Variants in CCDC102A observed in about 807,000 individuals in gnomAD.
CCDC102A encodes the protein coiled-coil domain containing 102A.
A neutral mutation model predicts 55.5 loss-of-function variants in CCDC102A; 40 were observed. The observed-to-expected ratio is 0.72, with a 90% CI of 0.56 to 0.94. The LOEUF is 0.94. CCDC102A is among the 40% of genes least tolerant of loss of function. The pLI is 0.00. For missense variants in CCDC102A, 779 were observed against 768.6 expected (o/e 1.01, Z -0.16); for synonymous variants, 323 against 339.0 (o/e 0.95, Z 0.52).
At chr16:57,523,214 G>C (rs1256871240) in intron 3 of CCDC102A, among the ~76,000 whole-genome samples, 1 of 151,972 alleles carries the variant, frequency 6.6e-6, no homozygotes, top group African/African-American at 2.4e-5. Context: ...ATTTCAGTTA[G>C]TGCACTAGGT....
chr16:57,522,531 G>A (rs1385025703), intron 3 of CCDC102A, among the ~76,000 whole-genome samples: 6 of 152,208 alleles, frequency 3.9e-5, no homozygotes, highest in African/African-American at 1.4e-4. Context: ...TGGGATTATA[G>A]GCATGAGCCA....
chr16:57,531,881 C>T (rs1196564587), intron 1 of CCDC102A, among the ~76,000 whole-genome samples: 4 of 152,146 alleles, frequency 2.6e-5, no homozygotes, highest in Admixed American at 2.6e-4. Context: ...TGGAGCCAGG[C>T]ATTGGAGGTC....
At chr16:57,536,652 GGGCCCCCGAAGCGGTCGCAGGCTGC>G, upstream of CCDC102A, 1 of 152,262 alleles carries the variant, frequency 6.6e-6, no homozygotes, top group African/African-American at 2.4e-5. Context: ...GGGAGCGGCG[GGGCCCCCGAAGCGGTCGCAGGCTGC>G]GGCCCCGCTG....
chr16:57,523,340 G>T (rs1248442010), intron 3 of CCDC102A, among the ~76,000 whole-genome samples: 1 of 152,182 alleles, frequency 6.6e-6, no homozygotes, highest in Admixed American at 6.5e-5. Flanking sequence ...CTGCGAGAAA[G>T]AATCCGTTCC....
intron 5 of CCDC102A, 84 bp from the exon 6 acceptor site, chr16:57,518,361 G>T: frequency 7.6e-7 from 1 of 1,311,518 alleles, no homozygotes; most frequent in Non-Finnish European, 1.1e-6. Context: ...ACCTCCTGGA[G>T]CCATTTTTGG....
In CCDC102A at chr16:57,521,217, C is replaced by T. The variant is rs372484207; in HGVS notation, c.813-41G>A. On this transcript the variant is annotated intron_variant, in intron 3 of 8. Coordinates refer to ENST00000258214, the MANE Select transcript of CCDC102A (RefSeq NM_033212.4). The stretch of plus-strand genomic sequence containing the variant: ...ACATGGGGGTGAGCCCACCAAGGCC[C>T]TCTGCTTGGAGTCCTCACCAAGGGT... 60 of 1,502,302 alleles carry T rather than the reference C, an allele frequency of 4.0e-5. No homozygotes were observed. In the African/African-American group the frequency reaches 7.3e-4, roughly 18 times the overall value. The allele number at this position is 1,502,302 out of a possible 1,614,324, so 93.1% of individuals were successfully genotyped here. A position where few individuals can be genotyped will look rare whatever the true frequency, so the allele number is the denominator to read the frequency against.
At chr16:57,525,222 A>G (rs1325024018) in intron 3 of CCDC102A, among the ~76,000 whole-genome samples, 16 of 152,064 alleles carry the variant, frequency 1.1e-4, no homozygotes, top group Non-Finnish European at 2.9e-5. Flanking sequence ...CAGCCTCCTG[A>G]GTAGCTGGGA....
At chr16:57,532,698 GACACAC>G (rs10535195) in intron 1 of CCDC102A, among the ~76,000 whole-genome samples, 11,057 of 147,698 alleles carry the variant, frequency 0.075, 635 homozygotes, top group African/African-American at 0.16. Context: ...AAGTGAAGCA[GACACAC>G]ACACACACAC....
At position 57,518,842 on chromosome 16, in the gene CCDC102A, C is replaced by A. The variant is rs915588859; in HGVS notation, c.922-101G>T. The stretch of plus-strand genomic sequence containing the variant: ...AGTGCAGGAGTGCTCAGCGTGGAGC[C>A]AAGGCAGCGCCCAAATGGGGCAGGC... On this transcript the variant is annotated intron_variant, in intron 4 of 8. Coordinates refer to ENST00000258214, the MANE Select transcript of CCDC102A (RefSeq NM_033212.4). 8 of 844,126 alleles carry A rather than the reference C, an allele frequency of 9.5e-6. No individual in the cohort carries two copies. In the Admixed American group the frequency reaches 1.7e-4, roughly 18 times the overall value. The allele number at this position is 844,126 out of a possible 1,614,324, so 52.3% of individuals were successfully genotyped here. A position where few individuals can be genotyped will look rare whatever the true frequency, so the allele number is the denominator to read the frequency against.
Position 57,527,233 on chromosome 16 carries a change from G to A in CCDC102A, c.586-1106C>T, listed in dbSNP as rs563099744. 1.3e-3 allele frequency among the ~76,000 whole-genome samples: 198 copies of A among 152,292 alleles called. 1 individual carries two copies. The highest frequency in any genetic ancestry group is 4.6e-3 in the African/African-American group (193 of 41,560). ...GGGACTGAGCTGGGGACAGAGCTGGGGAACTGAGCTTGGACCCTGCCCCTA... is the reference window on the plus strand; with the variant it reads ...GGGACTGAGCTGGGGACAGAGCTGGAGAACTGAGCTTGGACCCTGCCCCTA... On this transcript the variant is annotated intron_variant, in intron 2 of 8. Transcript: ENST00000258214.
intron 2 of CCDC102A, 87 bp downstream of exon 2, chr16:57,528,506 T>C (rs2032183423): frequency 1.0e-6 from 1 of 973,434 alleles, no homozygotes; most frequent in Non-Finnish European, 1.3e-6. Context: ...AGGCCTTTAC[T>C]AGCTTGTTTC....
At chr16:57,517,970 A>G (rs1434338593) in intron 6 of CCDC102A, 98 bp downstream of exon 6, 9 of 1,347,340 alleles carry the variant, frequency 6.7e-6, no homozygotes, top group Admixed American at 2.2e-5. Context: ...TGCAGCTACC[A>G]TAATTATCAC....
chr16:57,530,020 C>T (rs117902377), intron 1 of CCDC102A, among the ~76,000 whole-genome samples: 2,197 of 152,298 alleles, frequency 0.014, 27 homozygotes, highest in Non-Finnish European at 0.023. Context: ...AAATGATTAC[C>T]TCCATTTATG....
At position 57,516,907 on chromosome 16, in the gene CCDC102A, C is replaced by A. The variant is rs1160709996; in HGVS notation, c.1249-444G>T. On this transcript the variant is annotated intron_variant, in intron 6 of 8. Coordinates refer to ENST00000258214, the MANE Select transcript of CCDC102A (RefSeq NM_033212.4). This position sits in a 1 kb window ranked among gnomAD's most constrained non-coding sequence, Gnocchi z 4.4. ...GGAAGGGCAGCCAGCAAAAGAGATG[C>A]CCACCCTGGAGCTCTGTGAGTTCTC... Among the ~76,000 whole-genome samples, 1 of 152,134 alleles carries A rather than the reference C, an allele frequency of 6.6e-6. No homozygotes were observed. The highest frequency in any genetic ancestry group is 1.5e-5 in the Non-Finnish European group (1 of 68,026).
intron 2 of CCDC102A, among the ~76,000 whole-genome samples, chr16:57,526,341 T>C (rs1164778891): frequency 6.6e-6 from 1 of 152,218 alleles, no homozygotes; most frequent in Non-Finnish European, 1.5e-5. Context: ...TCAGCCACCA[T>C]GGTTCCCTGT....
chr16:57,515,744 G>A (rs1484304630), intron 7 of CCDC102A, among the ~76,000 whole-genome samples: 4 of 151,168 alleles, frequency 2.6e-5, no homozygotes, highest in Non-Finnish European at 5.9e-5. Flanking sequence ...ATTCGTCCAG[G>A]GAGATATTCA....
rs954114789 is a variant in CCDC102A, at chr16:57,529,597, G to A, written c.-147-273C>T. Among the ~76,000 whole-genome samples, 1 of 152,172 alleles carries A rather than the reference G, an allele frequency of 6.6e-6. No individual in the cohort carries two copies. Among genetic ancestry groups the A allele is most frequent in the African/African-American group, 2.4e-5 (1 of 41,432 alleles). On this transcript the variant is annotated intron_variant, in intron 1 of 8. Coordinates refer to ENST00000258214, the MANE Select transcript of CCDC102A (RefSeq NM_033212.4). The surrounding 1 kb of genome is among the most constrained non-coding windows in gnomAD (Gnocchi z 4.1). ...CCCGGTCCCGGCTCACACACTGATG[G>A]CTTATACTATACTACTATGCAACTT... is the stretch of plus-strand genomic sequence containing the variant.
intron 1 of CCDC102A, among the ~76,000 whole-genome samples, chr16:57,530,886 C>A (rs888386620): frequency 6.6e-6 from 1 of 152,008 alleles, no homozygotes; most frequent in Non-Finnish European, 1.5e-5. Context: ...CTGTGCCAGG[C>A]TGGTTTCCAG....
Position 57,518,188 on chromosome 16 carries a change from CTTG to C in CCDC102A, c.1125_1127del (p.Asn375del), listed in dbSNP as rs763881905. 109 of 1,612,768 alleles carry C rather than the reference CTTG, an allele frequency of 6.8e-5. No individual in the cohort carries two copies. Among genetic ancestry groups the C allele is most frequent in the Non-Finnish European group, 8.7e-5 (103 of 1,179,914 alleles). On this transcript the variant is annotated inframe_deletion, in exon 6 of 9. Transcript: ENST00000258214. ...GGTCTCCGACCTGTGCCCGCAGCTT[CTTG>C]TTCTCCCGCTCAAGGCCCAGTTTCT...
Sources: gnomAD v4.1 joint callset for allele counts (sites outside exome capture counted in the v4.1 genomes callset) on GRCh38, gnomAD v4.1.1 for gene constraint, Gnocchi (gnomAD v3.1) non-coding constraint, MANE v1.5 for transcripts, NCBI Gene and HGNC (gene_info 2026-07-23, HGNC 2026-07-21) for gene names.